The following SPON1 variants were observed in gnomAD, a reference collection of about 807,000 sequenced individuals.
The protein encoded by SPON1 is spondin-1.
SPON1 carries 52 observed loss-of-function variants against 111.7 expected under a neutral mutation model. That is an observed-to-expected ratio of 0.47 (90% CI 0.37 to 0.59). The LOEUF (loss-of-function observed/expected upper bound fraction) is 0.59, where lower values mean the gene tolerates loss of function less well. SPON1 is among the 20% of genes least tolerant of loss of function. The pLI, the probability that SPON1 is intolerant of heterozygous loss-of-function variation, is 0.00. For missense variants in SPON1, 957 were observed against 1,068.5 expected (o/e 0.90, Z 1.46); for synonymous variants, 410 against 395.8 (o/e 1.04, Z -0.43).
At chr11:14,061,361 T>C (rs1350662281) in intron 3 of SPON1, among the ~76,000 whole-genome samples, 7 of 152,258 alleles carry the variant, frequency 4.6e-5, no homozygotes, top group Admixed American at 3.3e-4. Context: ...TCATTCTATG[T>C]ATCTATCATT....
At chr11:14,093,956 G>A (rs6486168) in intron 5 of SPON1, among the ~76,000 whole-genome samples, 152,311 of 152,314 alleles carry the variant, frequency 1, 76,154 homozygotes, top group Middle Eastern at 1. Flanking sequence ...TCACGCCTAT[G>A]ATCCCAGCAC....
At chr11:14,042,063 C>T (rs2133813936) in intron 3 of SPON1, among the ~76,000 whole-genome samples, 1 of 152,070 alleles carries the variant, frequency 6.6e-6, no homozygotes, top group African/African-American at 2.4e-5. Flanking sequence ...CTCCATTAGC[C>T]CTGAGCTCCA....
At chr11:14,248,673 G>C (rs576127922) in intron 7 of SPON1, among the ~76,000 whole-genome samples, 13 of 152,304 alleles carry the variant, frequency 8.5e-5, no homozygotes, top group Non-Finnish European at 1.5e-4. Flanking sequence ...TGCAGAAACA[G>C]CCTTGCCTCT....
intron 6 of SPON1, among the ~76,000 whole-genome samples, chr11:14,226,854 G>T (rs143896422): frequency 1.3e-5 from 2 of 152,288 alleles, no homozygotes; most frequent in East Asian, 3.9e-4. Flanking sequence ...CCTTCGGGAG[G>T]CTCCATTGCA....
intron 3 of SPON1, among the ~76,000 whole-genome samples, chr11:14,053,123 A>G (rs1848719997): frequency 6.6e-6 from 1 of 152,222 alleles, no homozygotes; most frequent in African/African-American, 2.4e-5. Context: ...TTTCAACCCT[A>G]TGAACATTTT....
At chr11:14,101,169 G>T (rs1336696425) in intron 5 of SPON1, among the ~76,000 whole-genome samples, 3 of 152,090 alleles carry the variant, frequency 2.0e-5, no homozygotes, top group Non-Finnish European at 4.4e-5. Flanking sequence ...GGAGGCTGAG[G>T]TGGGCGGATC....
At chr11:14,171,470 G>GT (rs1848099302) in intron 6 of SPON1, among the ~76,000 whole-genome samples, 2 of 152,262 alleles carry the variant, frequency 1.3e-5, no homozygotes, top group South Asian at 4.1e-4. Context: ...TTTTTGAAGG[G>GT]TTTTTTATGT....
chr11:14,153,050 G>A (rs1333114542), intron 6 of SPON1, among the ~76,000 whole-genome samples: 1 of 152,192 alleles, frequency 6.6e-6, no homozygotes, highest in Non-Finnish European at 1.5e-5. Context: ...AGAATTTGTT[G>A]CAGGGCAGAT....
chr11:14,197,279 A>C (rs1203468986), intron 6 of SPON1, among the ~76,000 whole-genome samples: 1 of 152,090 alleles, frequency 6.6e-6, no homozygotes. Context: ...GTTGGCAGTT[A>C]ACACTCTGGC....
intron 5 of SPON1, among the ~76,000 whole-genome samples, chr11:14,122,426 G>A (rs913258298): frequency 8.5e-5 from 13 of 152,174 alleles, no homozygotes; most frequent in African/African-American, 2.9e-4. Context: ...GCCCGCCTCA[G>A]CCTCCCAAAG....
intron 2 of SPON1, among the ~76,000 whole-genome samples, chr11:13,996,943 T>C (rs551404362): frequency 6.6e-6 from 1 of 152,282 alleles, no homozygotes; most frequent in Admixed American, 6.5e-5. Flanking sequence ...AGATAGGTGG[T>C]TCTAATTTTC....
chr11:14,241,926 C>G (rs1554939715), intron 6 of SPON1, among the ~76,000 whole-genome samples: 3 of 151,896 alleles, frequency 2.0e-5, no homozygotes, highest in African/African-American at 7.3e-5. Context: ...AAGAGGGTAC[C>G]CCGGGGAGCC....
intron 5 of SPON1, among the ~76,000 whole-genome samples, chr11:14,113,948 T>C (rs111580435): frequency 0.02 from 3,015 of 152,246 alleles, 98 homozygotes; most frequent in African/African-American, 0.068. Flanking sequence ...GGTTTATATG[T>C]GTATAGGGTA....
At chr11:14,245,014 C>T (rs1181259823) in intron 7 of SPON1, among the ~76,000 whole-genome samples, 3 of 152,284 alleles carry the variant, frequency 2.0e-5, no homozygotes, top group Admixed American at 6.5e-5. Context: ...AGATGGTTTA[C>T]GAAGAAGCCT....
chr11:14,100,740 C>A (rs188149311), intron 5 of SPON1, among the ~76,000 whole-genome samples: 75 of 152,296 alleles, frequency 4.9e-4, no homozygotes, highest in African/African-American at 1.7e-3. Flanking sequence ...AGCTCTTTAG[C>A]ATTTTTCTTA....
At chr11:14,185,862 T>A (rs1231968911) in intron 6 of SPON1, among the ~76,000 whole-genome samples, 6 of 152,364 alleles carry the variant, frequency 3.9e-5, no homozygotes, top group Admixed American at 3.9e-4. Context: ...AGTTATTTAA[T>A]ATGCCCGTCT....
chr11:14,002,964 G>C (rs2133793624), intron 2 of SPON1, among the ~76,000 whole-genome samples: 1 of 152,216 alleles, frequency 6.6e-6, no homozygotes, highest in South Asian at 2.1e-4. Context: ...CTTCAAGAGA[G>C]TTGTGCCTAC....
intron 6 of SPON1, 38 bp from the exon 7 acceptor site, chr11:14,243,294 A>G: frequency 6.5e-7 from 1 of 1,549,058 alleles, no homozygotes; most frequent in Non-Finnish European, 8.8e-7. Context: ...CCATGAGCCC[A>G]GCTCTGTTCA....
intron 6 of SPON1, among the ~76,000 whole-genome samples, chr11:14,147,422 A>T (rs1847734826): frequency 6.7e-6 from 1 of 150,040 alleles, no homozygotes; most frequent in South Asian, 2.1e-4. Flanking sequence ...TAAACTAAAA[A>T]CATTTCTTTT....
Sources: allele counts gnomAD v4.1 joint callset (sites outside exome capture counted in the v4.1 genomes callset), GRCh38; gene constraint gnomAD v4.1.1; transcripts MANE v1.5; gene names NCBI Gene and HGNC (gene_info 2026-07-23, HGNC 2026-07-21).